CAST: variants seen among roughly 807,000 people sequenced by gnomAD.
CAST encodes MIR583 host.
CAST carries 76 observed loss-of-function variants against 119.6 expected under a neutral mutation model. The observed-to-expected ratio is 0.64, with a 90% CI of 0.53 to 0.77. The LOEUF (loss-of-function observed/expected upper bound fraction) is 0.77. CAST is among the 30% of genes least tolerant of loss of function. CAST has a pLI of 0.00. For missense variants in CAST, 953 were observed against 946.5 expected, an observed-to-expected ratio of 1.01 and a Z score of -0.09; for synonymous variants, 319 against 331.6, an observed-to-expected ratio of 0.96 and a Z score of 0.41.
intron 19 of CAST, among the ~76,000 whole-genome samples, chr5:96,749,730 A>C (rs2150571005): frequency 6.6e-6 from 1 of 152,248 alleles, no homozygotes; most frequent in African/African-American, 2.4e-5. Context: ...TATTTTCTGC[A>C]GAGCTGGGGT....
At chr5:96,279,143 A>G in the CAST span, among the ~76,000 whole-genome samples, 18 of 152,296 alleles carry the variant, frequency 1.2e-4, no homozygotes, top group African/African-American at 4.1e-4. Context: ...TTCCAGCCAA[A>G]TGAGGATCTC....
chr5:96,435,309 A>G, the CAST span, among the ~76,000 whole-genome samples: 1 of 152,236 alleles, frequency 6.6e-6, no homozygotes, highest in Non-Finnish European at 1.5e-5. Flanking sequence ...TGGAATAAAC[A>G]TTTGGTTTAT....
At chr5:95,975,245 A>G in the CAST span, among the ~76,000 whole-genome samples, 1 of 152,190 alleles carries the variant, frequency 6.6e-6, no homozygotes, top group Non-Finnish European at 1.5e-5. Flanking sequence ...ATTTTATAAC[A>G]TTTGGTAGTA....
chr5:96,623,912 T>C lies in CAST; in HGVS notation c.61-51627T>C, dbSNP rs544921271. ...TGAGATCTTGCCATGTTGCCCAGGC[T>C]GGTCTCAAACTCCGAGACTCAAGCG... On this transcript the variant is annotated intron_variant, in intron 1 of 11. Coordinates refer to the CAST transcript ENST00000505143. 7.9e-5 allele frequency among the ~76,000 whole-genome samples: 12 copies of C among 152,188 alleles called. No individual in the cohort carries two copies. In the East Asian group the frequency reaches 2.3e-3, roughly 29 times the overall value.
chr5:96,200,674 T>C, the CAST span, among the ~76,000 whole-genome samples: 3 of 152,184 alleles, frequency 2.0e-5, no homozygotes, highest in Non-Finnish European at 4.4e-5. Flanking sequence ...GATGCTCAAC[T>C]CTGGAATCTA....
chr5:95,961,939 T>C, the CAST span: 2 of 585,344 alleles, frequency 3.4e-6, no homozygotes, highest in Non-Finnish European at 5.5e-6. Flanking sequence ...TCATTGGTCT[T>C]GTTCCCTTCA....
intron 1 of CAST, among the ~76,000 whole-genome samples, chr5:96,580,705 T>G (rs1190996295): frequency 6.6e-6 from 1 of 152,220 alleles, no homozygotes; most frequent in East Asian, 1.9e-4. Flanking sequence ...GAGATATTTA[T>G]TTATGAGAAA....
the CAST span, chr5:95,964,923 T>A: frequency 6.6e-6 from 1 of 152,246 alleles, no homozygotes; most frequent in Non-Finnish European, 1.5e-5. Flanking sequence ...ATCTCTCATG[T>A]CTAGTATACA....
At chr5:96,313,390 A>G in the CAST span, among the ~76,000 whole-genome samples, 1 of 152,096 alleles carries the variant, frequency 6.6e-6, no homozygotes, top group African/African-American at 2.4e-5. Flanking sequence ...TGTGTCTCAT[A>G]GTTTTTTTCT....
the CAST span, among the ~76,000 whole-genome samples, chr5:96,274,296 G>T: frequency 1.5e-4 from 23 of 151,708 alleles, no homozygotes; most frequent in African/African-American, 5.3e-4. Flanking sequence ...TAGATACGGG[G>T]TTTCACTGTG....
At chr5:95,966,829 A>G in the CAST span, among the ~76,000 whole-genome samples, 3 of 152,160 alleles carry the variant, frequency 2.0e-5, no homozygotes, top group Non-Finnish European at 4.4e-5. Context: ...AGAAAGTTGT[A>G]TGTCCTTTGG....
chr5:96,210,134 G>A, the CAST span: 9 of 151,672 alleles, frequency 5.9e-5, no homozygotes, highest in Admixed American at 4.6e-4. Flanking sequence ...ATTATGGAAC[G>A]CCTCATGAAT....
intron 16 of CAST, chr5:96,743,587 C>T (rs1252028172): frequency 1.0e-5 from 16 of 1,596,656 alleles, no homozygotes; most frequent in Non-Finnish European, 1.3e-5. Context: ...TCCCTGACTT[C>T]CAGCAACAAT....
At chr5:96,531,532 A>G (rs1745688847) in intron 1 of CAST, among the ~76,000 whole-genome samples, 1 of 152,202 alleles carries the variant, frequency 6.6e-6, no homozygotes, top group Non-Finnish European at 1.5e-5. Flanking sequence ...TTTAATGTAA[A>G]ATCTATAAGT....
chr5:96,262,148 C>G, the CAST span, among the ~76,000 whole-genome samples: 1 of 152,160 alleles, frequency 6.6e-6, no homozygotes, highest in Non-Finnish European at 1.5e-5. Flanking sequence ...AAAACAATAA[C>G]AACAACTATT....
chr5:96,278,217 C>T, the CAST span, among the ~76,000 whole-genome samples: 2 of 152,120 alleles, frequency 1.3e-5, no homozygotes, highest in African/African-American at 4.8e-5. Context: ...AGCCTTCCCT[C>T]ATCTGTGGGG....
intron 1 of CAST, among the ~76,000 whole-genome samples, chr5:96,621,906 AG>A (rs1747614279): frequency 1.3e-5 from 2 of 151,936 alleles, no homozygotes; most frequent in African/African-American, 4.8e-5. Flanking sequence ...GGAAGCTGAA[AG>A]GGGGCAGAGG....
chr5:96,214,620 G>T, the CAST span, among the ~76,000 whole-genome samples: 1 of 152,184 alleles, frequency 6.6e-6, no homozygotes, highest in African/African-American at 2.4e-5. Flanking sequence ...GAATAAGATA[G>T]ACAAGGTCTC....
At chr5:96,084,636 A>G in the CAST span, among the ~76,000 whole-genome samples, 36 of 152,172 alleles carry the variant, frequency 2.4e-4, no homozygotes, top group African/African-American at 8.7e-4. Context: ...AAAGAAAGGC[A>G]AGGAAAGAGA....
Sources: allele counts gnomAD v4.1 joint callset (sites outside exome capture counted in the v4.1 genomes callset), GRCh38; gene constraint gnomAD v4.1.1; transcripts MANE v1.5; gene names NCBI Gene and HGNC (gene_info 2026-07-23, HGNC 2026-07-21).